The following WWC2 variants were observed in gnomAD, a reference collection of about 807,000 sequenced individuals.
WWC2 encodes the protein WW and C2 domain containing 2, also known as protein WWC2.
Under a neutral mutation model 138.5 loss-of-function variants are expected in WWC2, and 101 were observed. The observed-to-expected ratio is 0.73, with a 90% CI of 0.62 to 0.86. The LOEUF is 0.86. Ranked by LOEUF, WWC2 falls within the 40% of genes least tolerant of loss-of-function variation. The pLI is 0.00. For missense variants in WWC2, 1,420 were observed against 1,419.4 expected (o/e 1.00, Z -0.01); for synonymous variants, 558 against 538.4 (o/e 1.04, Z -0.50).
At chr4:183,263,604 A>G (rs1226991464) in intron 11 of WWC2, among the ~76,000 whole-genome samples, 1 of 152,182 alleles carries the variant, frequency 6.6e-6, no homozygotes, top group Non-Finnish European at 1.5e-5. Flanking sequence ...GTGAAAGCGT[A>G]TATTTAACCA....
intron 20 of WWC2, 65 bp from the exon 21 acceptor site, chr4:183,289,328 G>C: frequency 6.4e-7 from 1 of 1,554,652 alleles, no homozygotes; most frequent in Non-Finnish European, 8.7e-7. Context: ...CCAGGAAGGA[G>C]GGGAAGTGGG....
At chr4:183,148,344 T>C (rs1002991843) in intron 1 of WWC2, among the ~76,000 whole-genome samples, 4 of 152,248 alleles carry the variant, frequency 2.6e-5, no homozygotes, top group Non-Finnish European at 5.9e-5. Context: ...TTTAACCTTA[T>C]TTAAATTAGA....
intron 16 of WWC2, among the ~76,000 whole-genome samples, chr4:183,277,151 C>A (rs2111393801): frequency 7.0e-6 from 1 of 143,492 alleles, no homozygotes; most frequent in South Asian, 2.3e-4. Context: ...CCACAACAGT[C>A]CCCAGAGTGT....
chr4:183,268,986 C>T lies in WWC2; in HGVS notation c.2223C>T (p.Ala741=), dbSNP rs751902773. 3.7e-5 allele frequency: 59 copies of T among 1,611,932 alleles called. No individual in the cohort carries two copies. Among genetic ancestry groups the T allele is most frequent in the South Asian group, 3.4e-4 (31 of 90,474 alleles). The part of the protein sequence containing the change: ...PHTSKVYFRV[A]VLPSSTDVSC... The stretch of plus-strand genomic sequence containing the variant: ...TTCTTTGCAGATATTTTAGGGTTGC[C>T]GTTCTTCCTTCCTCAACTGATGTCA... Residue 741 remains alanine, a synonymous_variant, in exon 15 of 23, where the codon GCC becomes GCT. Transcript: ENST00000403733.
intron 1 of WWC2, among the ~76,000 whole-genome samples, chr4:183,167,336 T>A (rs150706435): frequency 6.6e-6 from 1 of 152,292 alleles, no homozygotes. Flanking sequence ...GAATAAAGCC[T>A]TTTATACACA....
chr4:183,319,514 G>C lies in WWC2; in HGVS notation c.*3785G>C, dbSNP rs2111140270. On this transcript the variant is annotated 3_prime_UTR_variant, in exon 23 of 23. Transcript: ENST00000403733. ...GGGACATCCTACCAAATCCAGTGTT[G>C]AGCAAGCGTCTCCTGAACAGCAGAC... 1 of 1,542,292 alleles carries C rather than the reference G, an allele frequency of 6.5e-7. No homozygotes were observed. Among genetic ancestry groups the C allele is most frequent in the Non-Finnish European group, 8.7e-7 (1 of 1,144,932 alleles).
At chr4:183,109,135 T>A (rs1313411458) in intron 1 of WWC2, among the ~76,000 whole-genome samples, 1 of 152,238 alleles carries the variant, frequency 6.6e-6, no homozygotes, top group Admixed American at 6.5e-5. Flanking sequence ...ATGAAAATTC[T>A]GCTTTGTAGG....
intron 17 of WWC2, chr4:183,282,492 T>G: frequency 1.8e-6 from 1 of 552,996 alleles, no homozygotes; most frequent in Non-Finnish European, 3.2e-6. Flanking sequence ...GTTTAACTTT[T>G]TAGTACCACA....
Position 183,269,201 on chromosome 4 carries a change from T to C in WWC2, c.2400+38T>C, listed in dbSNP as rs762395084. On this transcript the variant is annotated intron_variant, in intron 15 of 22. Coordinates refer to ENST00000403733, the MANE Select transcript of WWC2 (RefSeq NM_024949.6). ...ATAATTCCCATTACCAAATAGCACT[T>C]AGATTGGGTGGTCTGAGGATATACT... is the stretch of plus-strand genomic sequence containing the variant. The C allele has an allele frequency of 2.8e-6, 4 of 1,442,536 alleles. No individual in the cohort carries two copies. In the South Asian group the frequency reaches 4.9e-5, roughly 18 times the overall value. 89.4% of individuals were successfully genotyped at this position (1,442,536 alleles called of 1,614,324 possible).
chr4:183,239,272 C>T (rs576756485), intron 4 of WWC2, among the ~76,000 whole-genome samples: 1 of 152,106 alleles, frequency 6.6e-6, no homozygotes, highest in East Asian at 1.9e-4. Flanking sequence ...CGAGATTGCA[C>T]CACCGCACTC....
At chr4:183,124,912 G>A (rs1245037739) in intron 1 of WWC2, among the ~76,000 whole-genome samples, 1 of 152,100 alleles carries the variant, frequency 6.6e-6, no homozygotes, top group African/African-American at 2.4e-5. Flanking sequence ...TGGTAGCTCA[G>A]ACTCCTCCAC....
chr4:183,281,011 C>G, intron 17 of WWC2, 114 bp downstream of exon 17: 1 of 1,383,846 alleles, frequency 7.2e-7, no homozygotes. Context: ...ATGCACTGCA[C>G]CTTCAGGAAG....
At chr4:183,312,231 T>C (rs1579079718) in intron 21 of WWC2, 110 bp from the exon 22 acceptor site, 1 of 1,483,702 alleles carries the variant, frequency 6.7e-7, no homozygotes, top group South Asian at 1.2e-5. Context: ...ACTGGCTGCC[T>C]TGCTTGCCCT....
chr4:183,185,945 A>ATTT (rs546555995), intron 1 of WWC2, among the ~76,000 whole-genome samples: 13 of 131,242 alleles, frequency 9.9e-5, no homozygotes, highest in Non-Finnish European at 1.1e-4. Flanking sequence ...TTTAACATAG[A>ATTT]TTTTTTTTTT....
intron 21 of WWC2, among the ~76,000 whole-genome samples, chr4:183,309,661 G>C (rs982647206): frequency 1.3e-5 from 2 of 152,214 alleles, no homozygotes; most frequent in Non-Finnish European, 1.5e-5. Flanking sequence ...TTAGAAGACA[G>C]TTGTAGATTT....
rs542281085 is a variant in WWC2, at chr4:183,283,942, A to G, written c.2884-284A>G. 2.0e-5 allele frequency among the ~76,000 whole-genome samples: 3 copies of G among 152,300 alleles called. No individual in the cohort carries two copies. The East Asian group carries it at 5.8e-4, about 29-fold the overall frequency. On this transcript the variant is annotated intron_variant, in intron 18 of 22. Coordinates refer to ENST00000403733, the MANE Select transcript of WWC2 (RefSeq NM_024949.6). Reference sequence around the variant, plus strand: ...TTATGTTCAACCCTTTGGAGGCAGCACCTCTATTTATGGTGCTTGTTGGAC... The same window carrying G: ...TTATGTTCAACCCTTTGGAGGCAGCGCCTCTATTTATGGTGCTTGTTGGAC...
At position 183,315,848 on chromosome 4, in the gene WWC2, T is replaced by G; in HGVS notation, c.*119T>G. On this transcript the variant is annotated 3_prime_UTR_variant, in exon 23 of 23. Transcript: ENST00000403733. ...TTTTTGGTAACGTAACTGTCAACTC[T>G]TGAAGAACTTTTATTTCACATCAGA... 1.5e-6 allele frequency: 1 copy of G among 673,916 alleles called. No individual in the cohort carries two copies. The highest frequency in any genetic ancestry group is 2.1e-5 in the South Asian group (1 of 47,630). The allele number at this position is 673,916 out of a possible 1,614,324, so 41.7% of individuals were successfully genotyped here. A position where few individuals can be genotyped will look rare whatever the true frequency, so the allele number is the denominator to read the frequency against.
intron 15 of WWC2, chr4:183,269,785 G>C (rs1344015890): frequency 4.5e-6 from 1 of 222,870 alleles, no homozygotes; most frequent in Non-Finnish European, 9.3e-6. Flanking sequence ...GGGAAGATGT[G>C]ATGTTACTGT....
intron 1 of WWC2, among the ~76,000 whole-genome samples, chr4:183,182,432 T>G (rs1037286687): frequency 1.3e-5 from 2 of 152,220 alleles, no homozygotes; most frequent in African/African-American, 4.8e-5. Flanking sequence ...CTTTTTAAGT[T>G]CTCTACCTCT....
Sources: allele counts gnomAD v4.1 joint callset (sites outside exome capture counted in the v4.1 genomes callset), GRCh38; gene constraint gnomAD v4.1.1; transcripts MANE v1.5; gene names NCBI Gene and HGNC (gene_info 2026-07-23, HGNC 2026-07-21).